PCDHA9: variants seen among roughly 807,000 people sequenced by gnomAD.
PCDHA9 encodes protocadherin alpha-9.
In PCDHA9, 62 loss-of-function variants were observed where a neutral mutation model predicts 62.0. That is an observed-to-expected ratio of 1.00 (90% confidence interval 0.81 to 1.23). The LOEUF is 1.23. Among genes scored for constraint, PCDHA9 ranks in the 50% most tolerant of loss-of-function variants. The pLI is 0.00. For synonymous variants in PCDHA9, 557 were observed against 567.6 expected (o/e 0.98, Z 0.27); for missense variants, 1,205 against 1,249.8 (o/e 0.96, Z 0.54).
chr5:140,852,931 T>G (rs1554146230), intron 1 of PCDHA9: 1 of 623,668 alleles, frequency 1.6e-6, no homozygotes, highest in Non-Finnish European at 2.1e-6. Flanking sequence ...CAGGCTGGAG[T>G]GCAGTGGTGC....
rs570001791 is a variant in PCDHA9, at chr5:140,924,660, C to T, written c.2395-54289C>T. Among the ~76,000 whole-genome samples the T allele has an allele frequency of 2.5e-3, 382 of 152,090 alleles. 1 individual carries two copies. Among genetic ancestry groups the T allele is most frequent in the South Asian group, 8.9e-3 (43 of 4,822 alleles). Reference sequence around the variant, plus strand: ...CTGTAATCCCAGCACTTTGGGAGGCCGAGGCAGGCCAATCACTTGAGGTCA... The same window carrying T: ...CTGTAATCCCAGCACTTTGGGAGGCTGAGGCAGGCCAATCACTTGAGGTCA... On this transcript the variant is annotated intron_variant, in intron 1 of 3. Coordinates refer to ENST00000532602, the MANE Select transcript of PCDHA9 (RefSeq NM_031857.2).
chr5:140,871,401 G>A (rs1400127439), intron 1 of PCDHA9: 4 of 1,614,086 alleles, frequency 2.5e-6, no homozygotes, highest in South Asian at 1.1e-5. Flanking sequence ...CACCTAAGAC[G>A]GACCTCATGG....
At chr5:140,912,200 T>C (rs191284675) in intron 1 of PCDHA9, among the ~76,000 whole-genome samples, 123 of 152,280 alleles carry the variant, frequency 8.1e-4, no homozygotes, top group African/African-American at 2.8e-3. Flanking sequence ...CCCACCCAGA[T>C]TGAGGGTAGA....
At chr5:140,913,166 GTTC>G (rs1273182839) in intron 1 of PCDHA9, among the ~76,000 whole-genome samples, 1 of 152,160 alleles carries the variant, frequency 6.6e-6, no homozygotes, top group Non-Finnish European at 1.5e-5. Flanking sequence ...ATTGGTATTA[GTTC>G]TTCTTTAAAT....
intron 1 of PCDHA9, chr5:140,855,887 CAA>C: frequency 1.0e-6 from 1 of 985,616 alleles, no homozygotes; most frequent in Non-Finnish European, 1.5e-6. Flanking sequence ...CTTTTTAGAA[CAA>C]AGGCATCAGC....
intron 1 of PCDHA9, among the ~76,000 whole-genome samples, chr5:140,890,076 C>G (rs2062479072): frequency 6.6e-6 from 1 of 152,150 alleles, no homozygotes. Flanking sequence ...CTTATGAGAA[C>G]TGATAATGCA....
chr5:140,860,498 A>G (rs1440089357), intron 1 of PCDHA9: 3 of 152,224 alleles, frequency 2.0e-5, no homozygotes, highest in Non-Finnish European at 4.4e-5. Flanking sequence ...GGATGTCTAC[A>G]TACAAGATAA....
At chr5:140,854,871 T>A (rs2043250879) in intron 1 of PCDHA9, among the ~76,000 whole-genome samples, 2 of 149,910 alleles carry the variant, frequency 1.3e-5, no homozygotes, top group South Asian at 4.2e-4. Context: ...ATTTCAGAAC[T>A]GTGTCTTTTG....
In PCDHA9 at chr5:140,883,696, G is replaced by C. The variant is rs142212706; in HGVS notation, c.2394+32807G>C. On this transcript the variant is annotated intron_variant, in intron 1 of 3. Transcript: ENST00000532602. ...ATCCGCCGGGCTGCCACATCTTCAC[G>C]GTGTCTGCTCAGGACGCGGACGCAC... The C allele has an allele frequency of 1.7e-4, 276 of 1,613,818 alleles. 1 individual carries two copies. In the African/African-American group the frequency reaches 3.2e-3, roughly 19 times the overall value.
chr5:140,906,965 G>T (rs1273243518), intron 1 of PCDHA9, among the ~76,000 whole-genome samples: 1 of 152,124 alleles, frequency 6.6e-6, no homozygotes, highest in Non-Finnish European at 1.5e-5. Flanking sequence ...ATGGAATCGT[G>T]GTTGTGTCTT....
intron 1 of PCDHA9, chr5:140,876,257 T>A (rs781806447): frequency 6.2e-7 from 1 of 1,614,000 alleles, no homozygotes; most frequent in Non-Finnish European, 8.5e-7. Context: ...ACAAGAGTGA[T>A]CCAACTAAAT....
At chr5:140,883,907 A>G (rs2059882679) in intron 1 of PCDHA9, 1 of 1,613,358 alleles carries the variant, frequency 6.2e-7, no homozygotes, top group African/African-American at 1.3e-5. Context: ...GCCTCTGGGC[A>G]GCAACGTGAC....
rs1297383367 is a variant in PCDHA9 at position 140,898,744 on chromosome 5, G to T, written c.2394+47855G>T. ...CTGTGAAGAAAGTCATTGGTAGCTT[G>T]ATGGGGATGGCATTGAATCTGTAAA... is the stretch of plus-strand genomic sequence containing the variant. On this transcript the variant is annotated intron_variant, in intron 1 of 3. Coordinates refer to ENST00000532602, the MANE Select transcript of PCDHA9 (RefSeq NM_031857.2). 1.1e-4 allele frequency among the ~76,000 whole-genome samples: 17 copies of T among 152,248 alleles called. 2 individuals are homozygous for T. Among genetic ancestry groups the T allele is most frequent in the East Asian group, 7.7e-4 (4 of 5,188 alleles).
chr5:140,871,152 G>T lies in PCDHA9; in HGVS notation c.2394+20263G>T, dbSNP rs376980257. 913 of 1,613,436 alleles carry T rather than the reference G, an allele frequency of 5.7e-4. 8 individuals carry two copies. In the South Asian group the frequency reaches 9.3e-3, roughly 16 times the overall value. Reference sequence around the variant, plus strand: ...CAAAGGCCTCTTCCCGGACTTTGGCGGGCGCCGCGAGCCCAGAGGCTGCGC... The same window carrying T: ...CAAAGGCCTCTTCCCGGACTTTGGCTGGCGCCGCGAGCCCAGAGGCTGCGC... On this transcript the variant is annotated intron_variant, in intron 1 of 3. Transcript: ENST00000532602.
chr5:140,939,090 A>C (rs1563171940), intron 1 of PCDHA9, among the ~76,000 whole-genome samples: 1 of 152,192 alleles, frequency 6.6e-6, no homozygotes, highest in Non-Finnish European at 1.5e-5. Flanking sequence ...GGGTGGCTTA[A>C]AAACAATAGA....
At chr5:140,869,391 C>CG (rs2051094995) in intron 1 of PCDHA9, 1 of 1,614,020 alleles carries the variant, frequency 6.2e-7, no homozygotes, top group Non-Finnish European at 8.5e-7. Context: ...AGGAGCTGTG[C>CG]GGGCAGAGCG....
chr5:140,879,836 G>A, intron 1 of PCDHA9, among the ~76,000 whole-genome samples: 1 of 152,186 alleles, frequency 6.6e-6, no homozygotes, highest in Non-Finnish European at 1.5e-5. Flanking sequence ...GCTTGTGGCT[G>A]TACCACTCCC....
intron 1 of PCDHA9, among the ~76,000 whole-genome samples, chr5:140,887,600 G>A (rs1306659335): frequency 6.6e-6 from 1 of 151,812 alleles, no homozygotes; most frequent in African/African-American, 2.4e-5. Context: ...TGATTGTGAT[G>A]TGCTTTAGTA....
intron 1 of PCDHA9, among the ~76,000 whole-genome samples, chr5:140,922,817 G>A (rs1554200973): frequency 1.3e-5 from 2 of 152,218 alleles, no homozygotes; most frequent in Non-Finnish European, 2.9e-5. Context: ...AGGAGATACA[G>A]CATACTGCTA....
Sources: allele counts gnomAD v4.1 joint callset (sites outside exome capture counted in the v4.1 genomes callset), GRCh38; gene constraint gnomAD v4.1.1; transcripts MANE v1.5; gene names NCBI Gene and HGNC (gene_info 2026-07-23, HGNC 2026-07-21).